Variants in RGS6 observed in about 807,000 individuals in gnomAD.
RGS6 encodes regulator of G-protein signaling 6.
Under a neutral mutation model 78.5 loss-of-function variants are expected in RGS6, and 30 were observed. The observed-to-expected ratio is 0.38, with a 90% confidence interval of 0.29 to 0.52. RGS6 has a LOEUF of 0.52. Ranked by LOEUF, RGS6 falls within the 20% of genes least tolerant of loss-of-function variation. The probability of loss-of-function intolerance (pLI) is 0.85; values close to 1 mark genes in which losing one functional copy is unlikely to be tolerated. For synonymous variants in RGS6, 206 were observed against 206.0 expected, an observed-to-expected ratio of 1.00 and a Z score of 0.00; for missense variants, 495 against 609.7, an observed-to-expected ratio of 0.81 and a Z score of 1.98.
the RGS6 span, among the ~76,000 whole-genome samples, chr14:72,579,787 T>G: frequency 6.6e-6 from 1 of 152,164 alleles, no homozygotes; most frequent in African/African-American, 2.4e-5. Flanking sequence ...CAAGTAAACA[T>G]GGCAGCATAT....
intron 3 of RGS6, among the ~76,000 whole-genome samples, chr14:72,453,922 G>A (rs992271397): frequency 6.6e-6 from 1 of 152,208 alleles, no homozygotes; most frequent in African/African-American, 2.4e-5. Flanking sequence ...TTATGGTCCA[G>A]GTCTGGAAGT....
chr14:71,869,835 C>T, the RGS6 span, among the ~76,000 whole-genome samples: 1 of 152,110 alleles, frequency 6.6e-6, no homozygotes, highest in Non-Finnish European at 1.5e-5. Context: ...AGGATCCACC[C>T]TCATGAGTGG....
Position 72,216,361 on chromosome 14 carries a change from T to G in RGS6, c.85-135734T>G, listed in dbSNP as rs1471157687. ...TGTAAAGATGTCACGGGACCTCAGG[T>G]GTATTCATGCAGGCTTTGCCATTTA... On this transcript the variant is annotated intron_variant, in intron 2 of 17. Coordinates refer to ENST00000553525, the MANE Select transcript of RGS6 (RefSeq NM_001204424.2). Among the ~76,000 whole-genome samples the G allele has an allele frequency of 2.6e-5, 4 of 152,182 alleles. No individual in the cohort carries two copies. The South Asian group carries it at 6.2e-4, about 24-fold the overall frequency.
chr14:72,133,826 G>C (rs185033920), intron 2 of RGS6, among the ~76,000 whole-genome samples: 65 of 152,068 alleles, frequency 4.3e-4, no homozygotes, highest in African/African-American at 1.4e-3. Flanking sequence ...GCAGGGACAC[G>C]CATCTACGTG....
At chr14:72,543,408 A>G (rs749751261) in intron 17 of RGS6, among the ~76,000 whole-genome samples, 6 of 152,192 alleles carry the variant, frequency 3.9e-5, no homozygotes, top group Admixed American at 1.3e-4. Context: ...CCCCCAATAC[A>G]TGGCCTCAGG....
At chr14:71,942,045 G>C (rs1270487553) in intron 1 of RGS6, among the ~76,000 whole-genome samples, 2 of 152,162 alleles carry the variant, frequency 1.3e-5, no homozygotes, top group East Asian at 1.9e-4. Flanking sequence ...ATCAATATTA[G>C]TTTTCTCTTA....
intron 12 of RGS6, among the ~76,000 whole-genome samples, chr14:72,489,155 G>GCCCCCCC (rs1443927486): frequency 4.4e-4 from 51 of 116,440 alleles, no homozygotes; most frequent in Non-Finnish European, 5.5e-4. Context: ...GGACAAAGGG[G>GCCCCCCC]GCCCCCCCAC....
the RGS6 span, among the ~76,000 whole-genome samples, chr14:71,877,395 A>G: frequency 6.6e-6 from 1 of 152,086 alleles, no homozygotes; most frequent in Non-Finnish European, 1.5e-5. Flanking sequence ...TCTTTTCTCT[A>G]AACTTCTCTT....
chr14:72,303,290 C>CAGG (rs2066516410), intron 2 of RGS6, among the ~76,000 whole-genome samples: 2 of 152,186 alleles, frequency 1.3e-5, no homozygotes, highest in South Asian at 4.1e-4. Context: ...CACCTGAGGT[C>CAGG]AGGAGTTCAA....
chr14:72,348,813 T>C (rs1457576192), intron 2 of RGS6, among the ~76,000 whole-genome samples: 1 of 152,178 alleles, frequency 6.6e-6, no homozygotes, highest in Admixed American at 6.5e-5. Context: ...TTTTTCAGAG[T>C]GTTGTTGTAT....
chr14:72,172,518 C>T lies in RGS6; in HGVS notation c.85-179577C>T, dbSNP rs75617363. Among the ~76,000 whole-genome samples, 679 of 152,190 alleles carry T rather than the reference C, an allele frequency of 4.5e-3. 10 individuals are homozygous for T. The highest frequency in any genetic ancestry group is 0.015 in the African/African-American group (635 of 41,508). ...ATGTATATTATTATATACACGTATG[C>T]ATCCTCCCCCCAGCATTGATGTGTG... On this transcript the variant is annotated intron_variant, in intron 2 of 17. Coordinates refer to ENST00000553525, the MANE Select transcript of RGS6 (RefSeq NM_001204424.2).
intron 2 of RGS6, among the ~76,000 whole-genome samples, chr14:72,068,872 G>C (rs1567140630): frequency 6.6e-6 from 1 of 151,704 alleles, no homozygotes; most frequent in South Asian, 2.1e-4. Flanking sequence ...GACTTTAAAT[G>C]GATCATTTAG....
At position 72,547,389 on chromosome 14, in the gene RGS6, TGGAA is replaced by T. The variant is rs2153523681; in HGVS notation, c.1422+7297_1422+7300del. On this transcript the variant is annotated intron_variant, in intron 17 of 17. Coordinates refer to ENST00000553525, the MANE Select transcript of RGS6 (RefSeq NM_001204424.2). ...AGAAGTAAGACCCCCCCCCGACCCA[TGGAA>T]GTCCCCCCAAAATGAGCTCCTGGTG... The T allele has an allele frequency of 2.4e-6, 3 of 1,229,364 alleles. No individual in the cohort carries two copies. In the South Asian group the frequency reaches 3.9e-5, roughly 16 times the overall value. 76.2% of individuals were successfully genotyped at this position (1,229,364 alleles called of 1,614,324 possible). A position where few individuals can be genotyped will look rare whatever the true frequency, so the allele number is the denominator to read the frequency against.
Position 72,470,081 on chromosome 14 carries a change from A to G in RGS6, c.534A>G (p.Val178=), listed in dbSNP as rs746120961. ...EFIFMQAEAQ[V]KIDRKKDKTE... ...TCTTTATGCAAGCAGAAGCACAAGT[A>G]AAGTAGGTGAACTTGATAGAGACCT... Residue 178 remains valine, a splice_region_variant and synonymous_variant, in exon 8 of 18, where the codon GTA becomes GTG. Coordinates refer to ENST00000553525, the MANE Select transcript of RGS6 (RefSeq NM_001204424.2). The G allele has an allele frequency of 3.1e-6, 5 of 1,609,130 alleles. No individual in the cohort carries two copies. The South Asian group carries it at 3.3e-5, about 11-fold the overall frequency.
At chr14:72,543,169 C>T (rs75320740) in intron 17 of RGS6, among the ~76,000 whole-genome samples, 3,910 of 152,286 alleles carry the variant, frequency 0.026, 85 homozygotes, top group East Asian at 0.092. Flanking sequence ...CACGACAGGG[C>T]GCAACTAGCC....
intron 1 of RGS6, among the ~76,000 whole-genome samples, chr14:71,959,685 C>T (rs965809259): frequency 7.0e-5 from 10 of 143,156 alleles, no homozygotes; most frequent in Middle Eastern, 3.2e-3. Flanking sequence ...CGAGTCAGAA[C>T]ATCTGAGGGT....
At chr14:72,523,820 T>C (rs1278713518) in intron 15 of RGS6, among the ~76,000 whole-genome samples, 5 of 151,762 alleles carry the variant, frequency 3.3e-5, no homozygotes, top group African/African-American at 1.2e-4. Flanking sequence ...GAGAAAAATA[T>C]ATAGGCCATG....
intron 2 of RGS6, among the ~76,000 whole-genome samples, chr14:72,226,619 G>A (rs1486506780): frequency 6.6e-6 from 1 of 152,192 alleles, no homozygotes. Context: ...CAGATAAATA[G>A]AACCATGAAT....
At chr14:72,509,059 C>T (rs1412053715) in intron 13 of RGS6, among the ~76,000 whole-genome samples, 2 of 152,148 alleles carry the variant, frequency 1.3e-5, no homozygotes, top group Non-Finnish European at 2.9e-5. Context: ...ATGAGCTATG[C>T]AGCATGGCAG....
Sources: gnomAD v4.1 joint callset for allele counts (sites outside exome capture counted in the v4.1 genomes callset) on GRCh38, gnomAD v4.1.1 for gene constraint, MANE v1.5 for transcripts, NCBI Gene and HGNC (gene_info 2026-07-23, HGNC 2026-07-21) for gene names.